Variants in GPHN observed in about 807,000 individuals in gnomAD.
GPHN encodes gephyrin.
Under a neutral mutation model 95.5 loss-of-function variants are expected in GPHN, and 17 were observed. That is an observed-to-expected ratio of 0.18 (90% CI 0.12 to 0.27). The LOEUF (loss-of-function observed/expected upper bound fraction) is 0.27. Among genes scored for constraint, GPHN ranks in the 10% least tolerant of loss-of-function variants. The pLI is 1.00. For missense variants in GPHN, 660 were observed against 978.1 expected, an observed-to-expected ratio of 0.67 and a Z score of 4.34; for synonymous variants, 320 against 322.5, an observed-to-expected ratio of 0.99 and a Z score of 0.08.
At chr14:67,453,646 G>T in the GPHN span, among the ~76,000 whole-genome samples, 1 of 152,230 alleles carries the variant, frequency 6.6e-6, no homozygotes. Flanking sequence ...AAACTATGGT[G>T]GGTTAGAGGT....
chr14:66,773,176 G>A lies in GPHN; in HGVS notation c.144-3288G>A, dbSNP rs568677837. 1.4e-4 allele frequency among the ~76,000 whole-genome samples: 22 copies of A among 152,276 alleles called. 1 individual carries two copies. In the South Asian group the frequency reaches 4.1e-3, roughly 29 times the overall value. On this transcript the variant is annotated intron_variant, in intron 2 of 22. Coordinates refer to ENST00000478722, the MANE Select transcript of GPHN (RefSeq NM_020806.5). Reference sequence around the variant, plus strand: ...CAATCGGGCAGACTTGTCCCATGAAGTGTATGTCAGGAAAAAGATGGCAGG... The same window carrying A: ...CAATCGGGCAGACTTGTCCCATGAAATGTATGTCAGGAAAAAGATGGCAGG...
intron 3 of GPHN, among the ~76,000 whole-genome samples, chr14:66,807,158 A>C (rs1249708474): frequency 6.6e-6 from 1 of 152,216 alleles, no homozygotes; most frequent in Admixed American, 6.5e-5. Context: ...GAGTTTGTGC[A>C]GGGAAGATTC....
the GPHN span, among the ~76,000 whole-genome samples, chr14:67,440,701 G>C: frequency 1.5e-4 from 23 of 152,074 alleles, 1 homozygote; most frequent in Admixed American, 1.2e-3. Context: ...GCAGTGAGCT[G>C]AGATCGTGCC....
At chr14:66,857,457 T>TA (rs1194789849) in intron 4 of GPHN, among the ~76,000 whole-genome samples, 1 of 152,178 alleles carries the variant, frequency 6.6e-6, no homozygotes, top group Non-Finnish European at 1.5e-5. Context: ...GCAGATCACT[T>TA]ACGTAGAAAT....
chr14:67,054,969 G>A (rs528755082), intron 10 of GPHN, among the ~76,000 whole-genome samples: 1 of 152,272 alleles, frequency 6.6e-6, no homozygotes, highest in African/African-American at 2.4e-5. Context: ...ATATTTAAAT[G>A]TAAAACCCAA....
the GPHN span, among the ~76,000 whole-genome samples, chr14:67,660,877 G>GAA: frequency 6.6e-6 from 1 of 152,296 alleles, no homozygotes; most frequent in South Asian, 2.1e-4. Flanking sequence ...TGAAACAGGA[G>GAA]AATGGCTACA....
At chr14:66,606,609 A>G (rs1212380497) in intron 1 of GPHN, among the ~76,000 whole-genome samples, 2 of 152,180 alleles carry the variant, frequency 1.3e-5, no homozygotes. Context: ...ATTCATGGGC[A>G]TGGAATATAT....
At chr14:66,623,911 C>T (rs1342072995) in intron 1 of GPHN, among the ~76,000 whole-genome samples, 1 of 152,138 alleles carries the variant, frequency 6.6e-6, no homozygotes, top group Middle Eastern at 3.2e-3. Flanking sequence ...AATATTTCAC[C>T]TCCTTGAGCG....
chr14:67,448,985 G>A, the GPHN span, among the ~76,000 whole-genome samples: 10 of 152,306 alleles, frequency 6.6e-5, no homozygotes, highest in East Asian at 3.9e-4. Flanking sequence ...CAAACTAGGC[G>A]TGGAAGGTGT....
the GPHN span, chr14:67,343,476 C>T: frequency 1.4e-5 from 20 of 1,402,944 alleles, no homozygotes; most frequent in Non-Finnish European, 1.9e-5. Flanking sequence ...AGCACAAAGT[C>T]TTCCTAATCA....
the GPHN span, among the ~76,000 whole-genome samples, chr14:67,284,620 A>T: frequency 7.4e-5 from 11 of 148,968 alleles, no homozygotes; most frequent in African/African-American, 2.7e-4. Flanking sequence ...ATATAATTCC[A>T]AAATATGTAC....
intron 12 of GPHN, among the ~76,000 whole-genome samples, chr14:67,099,095 T>C (rs1235115018): frequency 6.6e-6 from 1 of 152,026 alleles, no homozygotes; most frequent in South Asian, 2.1e-4. Context: ...ATGACGTCTA[T>C]GTCTGTTGTA....
intron 2 of GPHN, among the ~76,000 whole-genome samples, chr14:66,733,282 C>T (rs1401078654): frequency 4.0e-5 from 6 of 151,498 alleles, no homozygotes; most frequent in Admixed American, 1.3e-4. Flanking sequence ...CCCAACCATG[C>T]GGAAATGTGA....
At chr14:66,712,088 T>A (rs1195047676) in intron 2 of GPHN, among the ~76,000 whole-genome samples, 1 of 152,204 alleles carries the variant, frequency 6.6e-6, no homozygotes, top group Admixed American at 6.5e-5. Context: ...TGATTTATAA[T>A]CCTTTGGGTA....
the GPHN span, chr14:67,571,800 T>C: frequency 2.5e-6 from 4 of 1,613,700 alleles, no homozygotes; most frequent in Non-Finnish European, 3.4e-6. Context: ...GTCCTCTGGG[T>C]CTGACGATGA....
chr14:66,776,397 C>T, intron 2 of GPHN, 67 bp from the exon 3 acceptor site: 1 of 944,536 alleles, frequency 1.1e-6, no homozygotes, highest in South Asian at 1.3e-5. Context: ...ATGGTAATGG[C>T]AGAAATCTTT....
At chr14:67,601,019 A>G in the GPHN span, among the ~76,000 whole-genome samples, 2 of 152,262 alleles carry the variant, frequency 1.3e-5, no homozygotes, top group Admixed American at 1.3e-4. Context: ...AGGATGCAGC[A>G]GTGAACGATG....
chr14:66,898,047 G>A (rs901554610), intron 5 of GPHN, among the ~76,000 whole-genome samples: 3 of 151,948 alleles, frequency 2.0e-5, no homozygotes, highest in African/African-American at 7.2e-5. Flanking sequence ...TTGTCTGACT[G>A]TGTTTTTTAG....
At chr14:66,944,768 T>TA (rs991302026) in intron 8 of GPHN, among the ~76,000 whole-genome samples, 1 of 152,200 alleles carries the variant, frequency 6.6e-6, no homozygotes, top group Non-Finnish European at 1.5e-5. Context: ...GAGAAAAACT[T>TA]AATCACTTTC....
Sources: allele counts gnomAD v4.1 joint callset (sites outside exome capture counted in the v4.1 genomes callset), GRCh38; gene constraint gnomAD v4.1.1; transcripts MANE v1.5; gene names NCBI Gene and HGNC (gene_info 2026-07-23, HGNC 2026-07-21).